Variants in EP300 observed in about 807,000 individuals in gnomAD.
The protein encoded by EP300 is histone acetyltransferase p300.
In EP300, 31 loss-of-function variants were observed where a neutral mutation model predicts 264.0. That is an observed-to-expected ratio of 0.12 (90% CI 0.09 to 0.16). EP300 has a LOEUF of 0.16. Among genes scored for constraint, EP300 ranks in the 10% least tolerant of loss-of-function variants. The pLI, the probability that EP300 is intolerant of heterozygous loss-of-function variation, is 1.00. For missense variants in EP300, 2,766 were observed against 3,052.9 expected, an observed-to-expected ratio of 0.91 and a Z score of 2.21; for synonymous variants, 1,340 against 1,045.4, an observed-to-expected ratio of 1.28 and a Z score of -5.44.
At chr22:41,141,968 C>G (rs1419065572) in intron 10 of EP300, among the ~76,000 whole-genome samples, 1 of 152,226 alleles carries the variant, frequency 6.6e-6, no homozygotes, top group Non-Finnish European at 1.5e-5. Flanking sequence ...TGAGCCACCA[C>G]TCCCTGCCTA....
chr22:41,140,052 T>C (rs1320127670), intron 8 of EP300, 88 bp from the exon 9 acceptor site: 1 of 911,168 alleles, frequency 1.1e-6, no homozygotes, highest in African/African-American at 1.6e-5. Flanking sequence ...ATTTTTTCTT[T>C]TCCTCTATGT....
At chr22:41,158,369 C>T (rs2059089079) in intron 18 of EP300, 43 bp from the exon 19 acceptor site, 1 of 1,541,278 alleles carries the variant, frequency 6.5e-7, no homozygotes, top group African/African-American at 1.4e-5. Flanking sequence ...TCTAGCTTGT[C>T]CTTAAGGCCT....
intron 16 of EP300, 90 bp from the exon 17 acceptor site, chr22:41,154,905 G>A (rs2059068017): frequency 2.3e-6 from 2 of 864,786 alleles, no homozygotes; most frequent in Admixed American, 3.6e-5. Context: ...ATTGATTCTT[G>A]AGATGCTTTT....
chr22:41,134,835 C>A (rs2058940979), intron 6 of EP300, among the ~76,000 whole-genome samples: 1 of 152,178 alleles, frequency 6.6e-6, no homozygotes, highest in Non-Finnish European at 1.5e-5. Flanking sequence ...GAAAGTTGGA[C>A]CTGGACACTA....
At chr22:41,131,889 C>T (rs751315829) in intron 6 of EP300, among the ~76,000 whole-genome samples, 1 of 152,066 alleles carries the variant, frequency 6.6e-6, no homozygotes, top group African/African-American at 2.4e-5. Context: ...TATTCCACAA[C>T]AAACTTTGAT....
chr22:41,095,496 T>G (rs2058697399), intron 1 of EP300, among the ~76,000 whole-genome samples: 1 of 152,048 alleles, frequency 6.6e-6, no homozygotes. Context: ...CCTCCCGAAG[T>G]GCTGGGGTTA....
chr22:41,162,554 C>T (rs1405322356), intron 20 of EP300, among the ~76,000 whole-genome samples, 169 bp from the exon 21 acceptor site: 2 of 152,094 alleles, frequency 1.3e-5, no homozygotes, highest in Non-Finnish European at 2.9e-5. Flanking sequence ...TAGAATATTC[C>T]TTTACATAAA....
chr22:41,154,376 CTTTTTTTTTT>C (rs869304891), intron 16 of EP300, among the ~76,000 whole-genome samples: 1 of 61,794 alleles, frequency 1.6e-5, no homozygotes, highest in African/African-American at 6.2e-5. Context: ...CTTGTGCACT[CTTTTTTTTTT>C]TTTTTTTTTT....
intron 2 of EP300, among the ~76,000 whole-genome samples, chr22:41,119,395 A>G (rs538918915): frequency 1.3e-5 from 2 of 151,964 alleles, no homozygotes; most frequent in South Asian, 2.1e-4. Flanking sequence ...AAACAAGGTA[A>G]ATTATTAAGT....
chr22:41,102,600 C>G (rs2058737620), intron 1 of EP300, among the ~76,000 whole-genome samples: 1 of 152,032 alleles, frequency 6.6e-6, no homozygotes, highest in Non-Finnish European at 1.5e-5. Flanking sequence ...CAGAATTGTG[C>G]TTTAGGCAGT....
chr22:41,147,184 T>G (rs769166571), intron 11 of EP300, among the ~76,000 whole-genome samples: 2 of 151,978 alleles, frequency 1.3e-5, no homozygotes, highest in Non-Finnish European at 2.9e-5. Context: ...CACGGGCCTG[T>G]AATCCCATTT....
intron 12 of EP300, 40 bp from the exon 13 acceptor site, chr22:41,148,998 A>G (rs772877531): frequency 6.2e-7 from 1 of 1,612,006 alleles, no homozygotes; most frequent in Non-Finnish European, 8.5e-7. Flanking sequence ...AATAACTATA[A>G]TGAAGCAGTT....
chr22:41,159,270 C>G (rs1218925734), intron 19 of EP300: 1 of 152,210 alleles, frequency 6.6e-6, no homozygotes, highest in Non-Finnish European at 1.5e-5. Flanking sequence ...TTTGTTAATA[C>G]CAAATCCATG....
At chr22:41,101,620 G>C (rs181744960) in intron 1 of EP300, among the ~76,000 whole-genome samples, 2 of 151,762 alleles carry the variant, frequency 1.3e-5, no homozygotes, top group African/African-American at 4.8e-5. Context: ...ACCATGTTAG[G>C]CAGGATGGTC....
chr22:41,137,140 C>G (rs1424231580), intron 7 of EP300, among the ~76,000 whole-genome samples: 1 of 151,978 alleles, frequency 6.6e-6, no homozygotes, highest in African/African-American at 2.4e-5. Flanking sequence ...GGGTGGATCA[C>G]TTGAGGTCAG....
At chr22:41,123,677 C>T (rs946965470) in intron 2 of EP300, among the ~76,000 whole-genome samples, 1 of 152,234 alleles carries the variant, frequency 6.6e-6, no homozygotes. Flanking sequence ...TGAGTGTTTG[C>T]TCAATGTTTC....
At chr22:41,166,037 G>A (rs968845853) in intron 22 of EP300, among the ~76,000 whole-genome samples, 17 of 152,080 alleles carry the variant, frequency 1.1e-4, no homozygotes, top group African/African-American at 3.4e-4. Context: ...CACCCACCTC[G>A]ACCTCCCAAA....
chr22:41,126,970 C>T (rs2058886467), intron 3 of EP300, among the ~76,000 whole-genome samples: 1 of 151,948 alleles, frequency 6.6e-6, no homozygotes, highest in South Asian at 2.1e-4. Context: ...TCTCGAACTC[C>T]CGACCTCAGG....
intron 18 of EP300, among the ~76,000 whole-genome samples, chr22:41,158,071 T>G (rs958571342): frequency 6.6e-6 from 1 of 152,226 alleles, no homozygotes; most frequent in African/African-American, 2.4e-5. Context: ...AAAATAAGAC[T>G]ATGGTCTTGC....
Sources: gnomAD v4.1 joint callset for allele counts (sites outside exome capture counted in the v4.1 genomes callset) on GRCh38, gnomAD v4.1.1 for gene constraint, MANE v1.5 for transcripts, NCBI Gene and HGNC (gene_info 2026-07-23, HGNC 2026-07-21) for gene names.